Variants in SLC27A6 observed in about 807,000 individuals in gnomAD.
SLC27A6 encodes solute carrier family 27 member 6.
In SLC27A6, 74 loss-of-function variants were observed where a neutral mutation model predicts 63.9. That is an observed-to-expected ratio of 1.16 (90% CI 0.96 to 1.40). The LOEUF (loss-of-function observed/expected upper bound fraction) is 1.40. SLC27A6 is among the 40% of genes most tolerant of loss of function. SLC27A6 has a pLI of 0.00. For synonymous variants in SLC27A6, 287 were observed against 260.8 expected (o/e 1.10, Z -0.97); for missense variants, 794 against 732.9 (o/e 1.08, Z -0.96).
At position 129,033,391 on chromosome 5, in the gene SLC27A6, A is replaced by C. The variant is rs192011533; in HGVS notation, c.*109A>C. 1 of 532,668 alleles carries C rather than the reference A, an allele frequency of 1.9e-6. No individual in the cohort carries two copies. Among genetic ancestry groups the C allele is most frequent in the African/African-American group, 2.0e-5 (1 of 50,454 alleles). 33.0% of individuals were successfully genotyped at this position (532,668 alleles called of 1,614,324 possible). A position where few individuals can be genotyped will look rare whatever the true frequency, so the allele number is the denominator to read the frequency against. On this transcript the variant is annotated 3_prime_UTR_variant, in exon 10 of 10. Transcript: ENST00000262462. ...AGCTAACATTAATTATGCATGTACT[A>C]TATTTCCTTAATATGAGAGATAATT... is the stretch of plus-strand genomic sequence containing the variant.
chr5:129,010,100 C>T (rs1051918105), intron 4 of SLC27A6, among the ~76,000 whole-genome samples: 1 of 152,296 alleles, frequency 6.6e-6, no homozygotes, highest in East Asian at 1.9e-4. Flanking sequence ...GAACAAGATT[C>T]TGATTTCTCC....
intron 4 of SLC27A6, among the ~76,000 whole-genome samples, chr5:128,991,929 G>C (rs1216678411): frequency 2.6e-5 from 4 of 151,536 alleles, no homozygotes; most frequent in African/African-American, 7.3e-5. Flanking sequence ...CTCTCCAAAT[G>C]CTTCTTCTTT....
At position 128,985,174 on chromosome 5, in the gene SLC27A6, G is replaced by A. The variant is rs749183726; in HGVS notation, c.523G>A (p.Glu175Lys). The change falls in exon 2 of 10, where the codon GAA becomes AAA. Residue 175 changes from glutamate (E) to lysine (K), a missense_variant. By Grantham distance (56) the Glu-to-Lys change is moderately conservative. Transcript: ENST00000262462. The part of the protein sequence containing the change: ...TVEEILPSLS[E>K]NISVWGMKDS... ...AGAAGAAATCCTTCCAAGCCTCTCAGAAAATATCAGTGTTTGGGGGATGAA... is the reference window on the plus strand; with the variant it reads ...AGAAGAAATCCTTCCAAGCCTCTCAAAAAATATCAGTGTTTGGGGGATGAA... The A allele has an allele frequency of 2.5e-6, 4 of 1,613,982 alleles. No homozygotes were observed. The highest frequency in any genetic ancestry group is 3.3e-5 in the Admixed American group (2 of 60,006).
intron 5 of SLC27A6, among the ~76,000 whole-genome samples, chr5:129,019,436 A>G (rs1037578193): frequency 6.6e-5 from 10 of 151,204 alleles, no homozygotes; most frequent in East Asian, 1.9e-4. Context: ...TAAAGCTCGG[A>G]AAAAAAAAGA....
intron 4 of SLC27A6, among the ~76,000 whole-genome samples, chr5:128,997,201 C>A (rs1053481854): frequency 6.6e-6 from 1 of 152,072 alleles, no homozygotes; most frequent in African/African-American, 2.4e-5. Flanking sequence ...TCAAGATATT[C>A]TGATATAGTT....
intron 1 of SLC27A6, among the ~76,000 whole-genome samples, chr5:128,975,068 G>A (rs927954725): frequency 1.4e-4 from 21 of 152,090 alleles, no homozygotes; most frequent in Non-Finnish European, 2.8e-4. Context: ...TGTGTTAGAC[G>A]GGCCAGGCGT....
chr5:129,023,457 TATTTA>T (rs753346495), intron 5 of SLC27A6, among the ~76,000 whole-genome samples, 158 bp from the exon 6 acceptor site: 11 of 152,174 alleles, frequency 7.2e-5, no homozygotes, highest in Admixed American at 2.6e-4. Context: ...TTTAAATATT[TATTTA>T]ATTTGTCTTC....
Position 129,029,686 on chromosome 5 carries a change from T to G in SLC27A6, c.1662T>G (p.Cys554Trp), listed in dbSNP as rs774906398. Reference protein sequence around the residue: ...QVVTFLPAYACPRFLRIQEKM... With the variant: ...QVVTFLPAYAWPRFLRIQEKM... Reference sequence around the variant, plus strand: ...TAACATTTCTACCAGCTTATGCTTGTCCACGATTTTTAAGAATTCAGGTAA... The same window carrying G: ...TAACATTTCTACCAGCTTATGCTTGGCCACGATTTTTAAGAATTCAGGTAA... Residue 554 changes from cysteine to tryptophan, a missense_variant, in exon 9 of 10, where the codon TGT becomes TGG. Cys to Trp is a radical substitution (Grantham distance 215, BLOSUM62 -2). Coordinates refer to ENST00000262462, the MANE Select transcript of SLC27A6 (RefSeq NM_001017372.3). 3 of 1,598,550 alleles carry G rather than the reference T, an allele frequency of 1.9e-6. No homozygotes were observed. Among genetic ancestry groups the G allele is most frequent in the Non-Finnish European group, 2.6e-6 (3 of 1,175,490 alleles).
At chr5:129,008,921 C>T (rs1384144280) in intron 4 of SLC27A6, among the ~76,000 whole-genome samples, 1 of 141,594 alleles carries the variant, frequency 7.1e-6, no homozygotes, top group African/African-American at 2.7e-5. Context: ...GGCTGGAGTG[C>T]AGTGGTGCAA....
chr5:128,967,850 G>A (rs1055141151), intron 1 of SLC27A6, among the ~76,000 whole-genome samples: 3 of 152,066 alleles, frequency 2.0e-5, no homozygotes, highest in Non-Finnish European at 2.9e-5. Flanking sequence ...CCATGTTAGT[G>A]TGCTGCACCC....
chr5:128,971,888 C>T (rs946973597), intron 1 of SLC27A6, among the ~76,000 whole-genome samples: 6 of 152,200 alleles, frequency 3.9e-5, no homozygotes, highest in Admixed American at 3.9e-4. Flanking sequence ...CATGTTTTAG[C>T]AGTGGCTGGT....
chr5:129,020,377 C>T (rs1440642045), intron 5 of SLC27A6, among the ~76,000 whole-genome samples: 2 of 152,062 alleles, frequency 1.3e-5, no homozygotes, highest in Non-Finnish European at 2.9e-5. Flanking sequence ...GTTAAAATGC[C>T]TGATGGTGAA....
chr5:128,972,595 G>A (rs937575157), intron 1 of SLC27A6, among the ~76,000 whole-genome samples: 2 of 151,992 alleles, frequency 1.3e-5, no homozygotes, highest in African/African-American at 2.4e-5. Flanking sequence ...TGCAGTTCTC[G>A]TGCCATGGTT....
At chr5:129,033,076 A>T in intron 9 of SLC27A6, 30 bp from the exon 10 acceptor site, 1 of 1,517,306 alleles carries the variant, frequency 6.6e-7, no homozygotes, top group Non-Finnish European at 9.0e-7. Context: ...TTATTAAATG[A>T]TTCTACTCAT....
intron 4 of SLC27A6, among the ~76,000 whole-genome samples, chr5:128,996,729 T>C (rs956498996): frequency 6.6e-6 from 1 of 152,064 alleles, no homozygotes; most frequent in African/African-American, 2.4e-5. Flanking sequence ...AATGTATCAT[T>C]CCTTTCAAGA....
At chr5:128,988,549 A>G (rs779011919) in intron 2 of SLC27A6, 51 bp from the exon 3 acceptor site, 5 of 1,433,090 alleles carry the variant, frequency 3.5e-6, no homozygotes, top group African/African-American at 1.4e-5. Flanking sequence ...ATGCATATGT[A>G]TATGTATGTA....
intron 4 of SLC27A6, among the ~76,000 whole-genome samples, chr5:128,991,972 A>G (rs1167884228): frequency 6.6e-6 from 1 of 151,528 alleles, no homozygotes; most frequent in African/African-American, 2.4e-5. Flanking sequence ...TCTTGAGACT[A>G]TAAAGAAGTT....
In SLC27A6 at chr5:129,031,670, G is replaced by T. The variant is rs1752419326; in HGVS notation, c.1684-1436G>T. ...ATTCTCTAAAAGTTCATGAATAAGG[G>T]CAAAGTTAATTAAAATATGATAATT... On this transcript the variant is annotated intron_variant, in intron 9 of 9. Transcript: ENST00000262462. 2.0e-5 allele frequency among the ~76,000 whole-genome samples: 3 copies of T among 151,788 alleles called. No homozygotes were observed. In the South Asian group the frequency reaches 6.2e-4, roughly 32 times the overall value.
At chr5:129,018,865 A>C (rs1481501434) in intron 5 of SLC27A6, among the ~76,000 whole-genome samples, 1 of 152,156 alleles carries the variant, frequency 6.6e-6, no homozygotes, top group Non-Finnish European at 1.5e-5. Context: ...TTTGGAAATG[A>C]AAAAACAAAG....
Sources: allele counts gnomAD v4.1 joint callset (sites outside exome capture counted in the v4.1 genomes callset), GRCh38; gene constraint gnomAD v4.1.1; transcripts MANE v1.5; gene names NCBI Gene and HGNC (gene_info 2026-07-23, HGNC 2026-07-21).